The following EYS variants were observed in gnomAD, a reference collection of about 807,000 sequenced individuals.
EYS encodes the protein EGF-like photoreceptor maintenance factor, also known as protein eyes shut homolog.
A neutral mutation model predicts 282.1 loss-of-function variants in EYS; 250 were observed. The observed-to-expected ratio is 0.89, with a 90% confidence interval of 0.80 to 0.98. EYS has a LOEUF of 0.98. EYS is among the 50% of genes least tolerant of loss of function. The probability of loss-of-function intolerance (pLI) is 0.00; values close to 1 mark genes in which losing one functional copy is unlikely to be tolerated. For missense variants in EYS, 4,016 were observed against 3,709.0 expected, an observed-to-expected ratio of 1.08 and a Z score of -2.15; for synonymous variants, 1,355 against 1,282.9, an observed-to-expected ratio of 1.06 and a Z score of -1.20.
intron 36 of EYS, among the ~76,000 whole-genome samples, chr6:63,809,898 G>A (rs1316956887): frequency 7.2e-5 from 11 of 151,744 alleles, no homozygotes; most frequent in East Asian, 3.9e-4. Context: ...CAATATGGCC[G>A]AGAAATAAGG....
At chr6:64,693,168 A>T (rs1770457937) in intron 22 of EYS, among the ~76,000 whole-genome samples, 1 of 151,592 alleles carries the variant, frequency 6.6e-6, no homozygotes, top group Non-Finnish European at 1.5e-5. Flanking sequence ...AATTTTTAAA[A>T]AGTTAGGTAA....
In EYS at chr6:63,788,138, G is replaced by T. The variant is rs992201380; in HGVS notation, c.7690C>A (p.Pro2564Thr). 6.5e-7 allele frequency: 1 copy of T among 1,543,778 alleles called. No homozygotes were observed. Among genetic ancestry groups the T allele is most frequent in the Non-Finnish European group, 8.7e-7 (1 of 1,144,736 alleles). ...GYSEYTPDLLPNGADFKNGFQ... is the reference protein window; with the variant it reads ...GYSEYTPDLLTNGADFKNGFQ... ...CCATTTTTAAAATCTGCTCCATTTG[G>T]TAAGAGATCTGGAGTGTATTCACTG... The change falls in exon 39 of 43, where the codon CCA becomes ACA. Residue 2564 changes from proline (P) to threonine (T), a missense_variant. Coordinates refer to ENST00000503581, the MANE Select transcript of EYS (RefSeq NM_001142800.2).
chr6:64,915,459 G>C lies in EYS; in HGVS notation c.2382-2716C>G, dbSNP rs139984420. On this transcript the variant is annotated intron_variant, in intron 15 of 42. Coordinates refer to ENST00000503581, the MANE Select transcript of EYS (RefSeq NM_001142800.2). The stretch of plus-strand genomic sequence containing the variant: ...AACTTATCTGCACTCTTTCATTTAG[G>C]AAGTTGAGGATCAGAGAGTTTAATG... Among the ~76,000 whole-genome samples, 1,142 of 152,176 alleles carry C rather than the reference G, an allele frequency of 7.5e-3. 8 individuals are homozygous for C. The highest frequency in any genetic ancestry group is 0.013 in the South Asian group (64 of 4,824).
At chr6:64,356,156 T>C (rs1436076322) in intron 29 of EYS, among the ~76,000 whole-genome samples, 2 of 151,610 alleles carry the variant, frequency 1.3e-5, no homozygotes, top group Non-Finnish European at 3.0e-5. Context: ...GTTTCATTTG[T>C]ATTCCATCGC....
chr6:64,912,213 G>A (rs770772437), intron 16 of EYS, among the ~76,000 whole-genome samples: 41 of 135,164 alleles, frequency 3.0e-4, no homozygotes, highest in Non-Finnish European at 5.2e-4. Flanking sequence ...TATTAAAGGA[G>A]AGACAACTTC....
chr6:64,068,264 C>G (rs1441632892), intron 32 of EYS, among the ~76,000 whole-genome samples: 1 of 152,026 alleles, frequency 6.6e-6, no homozygotes, highest in African/African-American at 2.4e-5. Flanking sequence ...TTGATATACT[C>G]TGTTGTGAAA....
intron 40 of EYS, among the ~76,000 whole-genome samples, chr6:63,763,110 G>A (rs1305802376): frequency 6.6e-6 from 1 of 152,060 alleles, no homozygotes; most frequent in Non-Finnish European, 1.5e-5. Context: ...TCAAACGTGA[G>A]TGAATCCCAG....
intron 28 of EYS, among the ~76,000 whole-genome samples, chr6:64,428,045 A>G (rs1328947400): frequency 1.3e-5 from 2 of 152,140 alleles, no homozygotes; most frequent in Non-Finnish European, 2.9e-5. Context: ...ACTTAAATTC[A>G]AAGTATTATG....
At chr6:64,097,475 G>A (rs965892607) in intron 31 of EYS, among the ~76,000 whole-genome samples, 31 of 152,090 alleles carry the variant, frequency 2.0e-4, no homozygotes, top group Non-Finnish European at 3.2e-4. Context: ...CCTCAGCCTC[G>A]CTTCTACCTT....
chr6:64,128,096 G>C lies in EYS; in HGVS notation c.6425-46094C>G, dbSNP rs117607716. ...GGCTATTGAACTTGGGACATCTAAA[G>C]AGCTTCATAAAAGACAACTTTCTCC... On this transcript the variant is annotated intron_variant, in intron 31 of 42. Coordinates refer to ENST00000503581, the MANE Select transcript of EYS (RefSeq NM_001142800.2). Among the ~76,000 whole-genome samples the C allele has an allele frequency of 7.0e-3, 1,069 of 152,194 alleles. 31 individuals are homozygous for C. The highest frequency in any genetic ancestry group is 0.052 in the East Asian group (271 of 5,176).
chr6:64,345,009 T>C (rs1246133506), intron 29 of EYS, among the ~76,000 whole-genome samples: 2 of 152,066 alleles, frequency 1.3e-5, no homozygotes, highest in African/African-American at 2.4e-5. Flanking sequence ...GAAGGACCTC[T>C]TCAAGGAGAA....
intron 31 of EYS, among the ~76,000 whole-genome samples, chr6:64,208,842 C>A (rs931576415): frequency 6.6e-6 from 1 of 152,068 alleles, no homozygotes; most frequent in African/African-American, 2.4e-5. Context: ...GAGAAAGATT[C>A]TGTTTCTATG....
chr6:64,996,155 G>C (rs989203720), intron 14 of EYS, among the ~76,000 whole-genome samples: 1 of 152,050 alleles, frequency 6.6e-6, no homozygotes, highest in African/African-American at 2.4e-5. Flanking sequence ...AAATATATTA[G>C]GTCCAGAGGT....
intron 22 of EYS, among the ~76,000 whole-genome samples, chr6:64,701,437 T>C (rs528098752): frequency 2.2e-4 from 34 of 152,164 alleles, no homozygotes; most frequent in African/African-American, 7.9e-4. Flanking sequence ...TGCAACTGAA[T>C]AGAGACTAAT....
intron 12 of EYS, among the ~76,000 whole-genome samples, chr6:65,130,435 A>C (rs1167050256): frequency 6.6e-6 from 1 of 151,974 alleles, no homozygotes; most frequent in Non-Finnish European, 1.5e-5. Context: ...AAGACAATTG[A>C]CTGCAATTAA....
At chr6:64,508,794 C>T (rs1367569921) in intron 26 of EYS, among the ~76,000 whole-genome samples, 1 of 151,914 alleles carries the variant, frequency 6.6e-6, no homozygotes, top group East Asian at 1.9e-4. Flanking sequence ...TACCTAAGCT[C>T]TCCAGTAACC....
intron 31 of EYS, among the ~76,000 whole-genome samples, chr6:64,186,943 T>C (rs1764964410): frequency 6.6e-6 from 1 of 152,142 alleles, no homozygotes; most frequent in African/African-American, 2.4e-5. Flanking sequence ...TCCGACGCAC[T>C]TGGGGAGCAC....
intron 28 of EYS, among the ~76,000 whole-genome samples, chr6:64,391,779 T>A (rs193002423): frequency 0.038 from 5,794 of 152,132 alleles, 357 homozygotes; most frequent in African/African-American, 0.13. Flanking sequence ...ATAATAATAT[T>A]AACTTTAAAT....
intron 14 of EYS, among the ~76,000 whole-genome samples, chr6:64,963,700 T>G (rs965581069): frequency 1.3e-5 from 2 of 152,178 alleles, no homozygotes; most frequent in African/African-American, 4.8e-5. Context: ...AAGTAGAAAC[T>G]AATAATATTA....
Sources: gnomAD v4.1 joint callset for allele counts (sites outside exome capture counted in the v4.1 genomes callset) on GRCh38, gnomAD v4.1.1 for gene constraint, MANE v1.5 for transcripts, NCBI Gene and HGNC (gene_info 2026-07-23, HGNC 2026-07-21) for gene names.